Variants in MYD88 observed in about 807,000 individuals in gnomAD.
The protein encoded by MYD88 is MYD88 innate immune signal transduction adaptor.
Under a neutral mutation model 31.1 loss-of-function variants are expected in MYD88, and 15 were observed. The observed-to-expected ratio is 0.48, with a 90% CI of 0.32 to 0.74. The LOEUF (loss-of-function observed/expected upper bound fraction) is 0.74. Among genes scored for constraint, MYD88 ranks in the 30% least tolerant of loss-of-function variants. MYD88 has a pLI of 0.03. For missense variants in MYD88, 308 were observed against 387.4 expected, an observed-to-expected ratio of 0.79 and a Z score of 1.72; for synonymous variants, 157 against 158.8, an observed-to-expected ratio of 0.99 and a Z score of 0.08.
rs768025686 is a variant in MYD88, at chr3:38,138,731, G to A, written c.31G>A (p.Ala11Thr). Residue 11 changes from alanine (A) to threonine (T), a missense_variant, in exon 1 of 5, where the codon GCG becomes ACG. By Grantham distance (58) the Ala-to-Thr change is moderately conservative. Transcript: ENST00000650905. The surrounding 1 kb of genome is among the most constrained non-coding windows in gnomAD (Gnocchi z 6.4). MAAGGPGAGSAAPVSSTSSLP... is the reference protein window; with the variant it reads MAAGGPGAGSTAPVSSTSSLP... Reference sequence around the variant, plus strand: ...TGCAGGAGGTCCCGGCGCGGGGTCTGCGGCCCCGGTCTCCTCCACATCCTC... The same window carrying A: ...TGCAGGAGGTCCCGGCGCGGGGTCTACGGCCCCGGTCTCCTCCACATCCTC... 16 of 1,606,936 alleles carry A rather than the reference G, an allele frequency of 1.0e-5. No individual in the cohort carries two copies. In the Middle Eastern group the frequency reaches 5.0e-4, roughly 50 times the overall value.
chr3:38,138,722 G>GC lies in MYD88; in HGVS notation c.23dup (p.Ser10ValfsTer48), dbSNP rs1700986801. Reference sequence around the variant, plus strand: ...CGCCATGGCTGCAGGAGGTCCCGGCGCGGGGTCTGCGGCCCCGGTCTCCTC... The same window carrying GC: ...CGCCATGGCTGCAGGAGGTCCCGGCGCCGGGGTCTGCGGCCCCGGTCTCCTC... On this transcript the variant is annotated frameshift_variant, in exon 1 of 5. Transcript: ENST00000650905. LOFTEE classifies it high-confidence loss of function. This position sits in a 1 kb window ranked among gnomAD's most constrained non-coding sequence, Gnocchi z 6.4. The GC allele has an allele frequency of 6.2e-7, 1 of 1,605,360 alleles. No individual in the cohort carries two copies. The highest frequency in any genetic ancestry group is 8.5e-7 in the Non-Finnish European group (1 of 1,174,694).
Position 38,139,899 on chromosome 3 carries a change from CAGG to C in MYD88, c.371_373del (p.Glu124del). ...CCAAAAGTATATCTTGAAGCAGCAG[CAGG>C]AGGAGGCTGAGAAGCCTTTACAGGT... On this transcript the variant is annotated inframe_deletion, in exon 2 of 5. Coordinates refer to ENST00000650905, the MANE Select transcript of MYD88 (RefSeq NM_002468.5). The surrounding 1 kb of genome is among the most constrained non-coding windows in gnomAD (Gnocchi z 4.7). The C allele has an allele frequency of 6.2e-7, 1 of 1,613,500 alleles. No homozygotes were observed. The highest frequency in any genetic ancestry group is 8.5e-7 in the Non-Finnish European group (1 of 1,180,008).
chr3:38,142,450 T>C lies in MYD88; in HGVS notation c.*1164T>C. On this transcript the variant is annotated 3_prime_UTR_variant, in exon 5 of 5. Coordinates refer to ENST00000650905, the MANE Select transcript of MYD88 (RefSeq NM_002468.5). ...TCCCTGAACAAAAATTGGGCACTCATCTATTCCTTTTCTCTTGTGTCCCTA... is the reference window on the plus strand; with the variant it reads ...TCCCTGAACAAAAATTGGGCACTCACCTATTCCTTTTCTCTTGTGTCCCTA... The C allele has an allele frequency of 4.3e-6, 1 of 233,290 alleles. No individual in the cohort carries two copies. The highest frequency in any genetic ancestry group is 5.6e-5 in the Admixed American group (1 of 17,800). 14.5% of individuals were successfully genotyped at this position (233,290 alleles called of 1,614,324 possible).
chr3:38,141,214 C>G lies in MYD88; in HGVS notation c.819C>G (p.Val273=), dbSNP rs1319502476. ...CCAGCATCCTGAGGTTCATCACTGTCTGCGACTACACCAACCCCTGCACCA... is the reference window on the plus strand; with the variant it reads ...CCAGCATCCTGAGGTTCATCACTGTGTGCGACTACACCAACCCCTGCACCA... ...EFPSILRFIT[V]CDYTNPCTKS... The change falls in exon 5 of 5, where the codon GTC becomes GTG. Residue 273 remains valine (V), a synonymous_variant. Coordinates refer to ENST00000650905, the MANE Select transcript of MYD88 (RefSeq NM_002468.5). 3.7e-6 allele frequency: 6 copies of G among 1,614,122 alleles called. No homozygotes were observed. In the African/African-American group the frequency reaches 8.0e-5, roughly 22 times the overall value.
At position 38,141,152 on chromosome 3, in the gene MYD88, A is replaced by T. The variant is rs2125780307; in HGVS notation, c.757A>T (p.Ile253Phe). Reference sequence around the variant, plus strand: ...TGCAGGTGCCCATCAGAAGCGACTGATCCCCATCAAGTACAAGGCAATGAA... The same window carrying T: ...TGCAGGTGCCCATCAGAAGCGACTGTTCCCCATCAAGTACAAGGCAATGAA... ...LSPGAHQKRL[I>F]PIKYKAMKKE... Residue 253 changes from isoleucine to phenylalanine, a missense_variant, in exon 5 of 5, where the codon ATC becomes TTC. Transcript: ENST00000650905. The T allele has an allele frequency of 6.2e-7, 1 of 1,614,156 alleles. No homozygotes were observed. Among genetic ancestry groups the T allele is most frequent in the South Asian group, 1.1e-5 (1 of 91,080 alleles).
chr3:38,138,950 G>C lies in MYD88; in HGVS notation c.250G>C (p.Ala84Pro), dbSNP rs2125775949. ...LLDAWQGRPGASVGRLLELLT... is the reference protein window; with the variant it reads ...LLDAWQGRPGPSVGRLLELLT... ...GGACGCCTGGCAGGGACGCCCTGGCGCCTCTGTAGGCCGACTGCTCGAGCT... is the reference window on the plus strand; with the variant it reads ...GGACGCCTGGCAGGGACGCCCTGGCCCCTCTGTAGGCCGACTGCTCGAGCT... The change falls in exon 1 of 5, where the codon GCC becomes CCC. Residue 84 changes from alanine to proline, a missense_variant. By Grantham distance (27) the Ala-to-Pro change is conservative. Transcript: ENST00000650905. This position sits in a 1 kb window ranked among gnomAD's most constrained non-coding sequence, Gnocchi z 6.4. 1 of 1,610,236 alleles carries C rather than the reference G, an allele frequency of 6.2e-7. No homozygotes were observed. The highest frequency in any genetic ancestry group is 1.3e-5 in the African/African-American group (1 of 75,066).
At chr3:38,140,154 C>A (rs949571736) in intron 2 of MYD88, 156 bp downstream of exon 2, 19 of 1,054,712 alleles carry the variant, frequency 1.8e-5, no homozygotes, top group Non-Finnish European at 2.5e-5. Flanking sequence ...AGATAATAGT[C>A]CTACCTCTGG....
rs2125777750 is a variant in MYD88, at chr3:38,139,984, T to A, written c.449T>A (p.Leu150His). 6.2e-7 allele frequency: 1 copy of A among 1,613,606 alleles called. No individual in the cohort carries two copies. Among genetic ancestry groups the A allele is most frequent in the Non-Finnish European group, 8.5e-7 (1 of 1,179,866 alleles). Residue 150 changes from leucine (L) to histidine (H), a missense_variant, in exon 2 of 5, where the codon CTT becomes CAT. Transcript: ENST00000650905. The surrounding 1 kb of genome is among the most constrained non-coding windows in gnomAD (Gnocchi z 4.7). ...GCAGAGCTGGCGGGCATCACCACAC[T>A]TGATGACCCCCTGGGTAAGGGTCCA... ...RTAELAGITT[L>H]DDPLGHMPER...
At position 38,140,462 on chromosome 3, in the gene MYD88, C is replaced by T. The variant is rs201772694; in HGVS notation, c.538C>T (p.Arg180Trp). Residue 180 changes from arginine to tryptophan, a missense_variant, in exon 3 of 5, where the codon CGG (arginine) becomes TGG (tryptophan). Physicochemically the swap from Arg to Trp is moderately radical, Grantham distance 101. Coordinates refer to ENST00000650905, the MANE Select transcript of MYD88 (RefSeq NM_002468.5). ...CATCCAGTTTGTGCAGGAGATGATC[C>T]GGCAACTGGAACAGACAAACTATCG... ...SDIQFVQEMI[R>W]QLEQTNYRLK... is the part of the protein sequence containing the mutation. 2.2e-4 allele frequency: 355 copies of T among 1,614,200 alleles called. 2 individuals carry two copies. The highest frequency in any genetic ancestry group is 2.2e-4 in the South Asian group (20 of 91,084).
At position 38,141,218 on chromosome 3, in the gene MYD88, G is replaced by C. The variant is rs370623345; in HGVS notation, c.823G>C (p.Asp275His). 1 of 1,614,164 alleles carries C rather than the reference G, an allele frequency of 6.2e-7. No homozygotes were observed. The highest frequency in any genetic ancestry group is 2.2e-5 in the East Asian group (1 of 44,890). The part of the protein sequence containing the change: ...PSILRFITVC[D>H]YTNPCTKSWF... ...CATCCTGAGGTTCATCACTGTCTGCGACTACACCAACCCCTGCACCAAATC... is the reference window on the plus strand; with the variant it reads ...CATCCTGAGGTTCATCACTGTCTGCCACTACACCAACCCCTGCACCAAATC... Residue 275 changes from aspartate to histidine, a missense_variant, in exon 5 of 5, where the codon GAC (aspartate) becomes CAC (histidine). Asp to His is a moderately conservative substitution (Grantham distance 81). Coordinates refer to ENST00000650905, the MANE Select transcript of MYD88 (RefSeq NM_002468.5).
chr3:38,139,111 A>G lies in MYD88; in HGVS notation c.328+83A>G. 6.7e-7 allele frequency: 1 copy of G among 1,494,430 alleles called. No homozygotes were observed. The highest frequency in any genetic ancestry group is 8.9e-7 in the Non-Finnish European group (1 of 1,123,518). The allele number at this position is 1,494,430 out of a possible 1,614,324, so 92.6% of individuals were successfully genotyped here. ...GGCCTCAGCATCCTGTCTCCCATGG[A>G]GAGACCCCATTTCCTGCCTCGGGGG... On this transcript the variant is annotated intron_variant, in intron 1 of 4. Coordinates refer to ENST00000650905, the MANE Select transcript of MYD88 (RefSeq NM_002468.5). The surrounding 1 kb of genome is among the most constrained non-coding windows in gnomAD (Gnocchi z 4.7).
Position 38,141,406 on chromosome 3 carries a change from A to T in MYD88, c.*120A>T. 7.4e-7 allele frequency: 1 copy of T among 1,359,564 alleles called. No homozygotes were observed. Among genetic ancestry groups the T allele is most frequent in the Non-Finnish European group, 1.0e-6 (1 of 954,258 alleles). The allele number at this position is 1,359,564 out of a possible 1,614,324, so 84.2% of individuals were successfully genotyped here. A position where few individuals can be genotyped will look rare whatever the true frequency, so the allele number is the denominator to read the frequency against. ...TCTACTTACCTCTCAATTCCTGGAGATGCCAACTTCACAGACACGTCTGCA... is the reference window on the plus strand; with the variant it reads ...TCTACTTACCTCTCAATTCCTGGAGTTGCCAACTTCACAGACACGTCTGCA... On this transcript the variant is annotated 3_prime_UTR_variant, in exon 5 of 5. Coordinates refer to ENST00000650905, the MANE Select transcript of MYD88 (RefSeq NM_002468.5).
chr3:38,138,948 G>A lies in MYD88; in HGVS notation c.248G>A (p.Gly83Asp), dbSNP rs1347643055. 4.3e-6 allele frequency: 7 copies of A among 1,610,840 alleles called. No individual in the cohort carries two copies. The South Asian group carries it at 7.7e-5, about 18-fold the overall frequency. The change falls in exon 1 of 5, where the codon GGC becomes GAC. Residue 83 changes from glycine (G) to aspartate (D), a missense_variant. Physicochemically the swap from Gly to Asp is moderately conservative, Grantham distance 94 (BLOSUM62 -1). Coordinates refer to ENST00000650905, the MANE Select transcript of MYD88 (RefSeq NM_002468.5). This position sits in a 1 kb window ranked among gnomAD's most constrained non-coding sequence, Gnocchi z 6.4. ...RLLDAWQGRP[G>D]ASVGRLLELL... ...CTGGACGCCTGGCAGGGACGCCCTGGCGCCTCTGTAGGCCGACTGCTCGAG... is the reference window on the plus strand; with the variant it reads ...CTGGACGCCTGGCAGGGACGCCCTGACGCCTCTGTAGGCCGACTGCTCGAG...
At chr3:38,140,040 A>T (rs2125777957) in intron 2 of MYD88, 42 bp downstream of exon 2, 2 of 1,609,042 alleles carry the variant, frequency 1.2e-6, no homozygotes, top group South Asian at 1.1e-5. Context: ...GTGGAATAGG[A>T]CATTGTGGTG....
Position 38,138,843 on chromosome 3 carries a change from C to G in MYD88, c.143C>G (p.Thr48Ser). ...NVRTQVAADW[T>S]ALAEEMDFEY... Reference sequence around the variant, plus strand: ...CGGACACAGGTGGCGGCCGACTGGACCGCGCTGGCGGAGGAGATGGACTTT... The same window carrying G: ...CGGACACAGGTGGCGGCCGACTGGAGCGCGCTGGCGGAGGAGATGGACTTT... Residue 48 changes from threonine (T) to serine (S), a missense_variant, in exon 1 of 5, where the codon ACC becomes AGC. Transcript: ENST00000650905. This position sits in a 1 kb window ranked among gnomAD's most constrained non-coding sequence, Gnocchi z 6.4. 1 of 1,613,850 alleles carries G rather than the reference C, an allele frequency of 6.2e-7. No homozygotes were observed. Among genetic ancestry groups the G allele is most frequent in the Non-Finnish European group, 8.5e-7 (1 of 1,180,020 alleles).
chr3:38,141,536 A>C lies in MYD88; in HGVS notation c.*250A>C. On this transcript the variant is annotated 3_prime_UTR_variant, in exon 5 of 5. Transcript: ENST00000650905. ...GGACACTATAGAACAGGACCAGCTG[A>C]GACTAAGAAGGACCAGCAGAGCCAG... 1.7e-6 allele frequency: 1 copy of C among 578,086 alleles called. No homozygotes were observed. Among genetic ancestry groups the C allele is most frequent in the Non-Finnish European group, 3.1e-6 (1 of 320,454 alleles). 35.8% of individuals were successfully genotyped at this position (578,086 alleles called of 1,614,324 possible).
At position 38,139,517 on chromosome 3, in the gene MYD88, T is replaced by C; in HGVS notation, c.329-347T>C. ...ACTGCACCATAACCAGTGGGTCTCC[T>C]GAGCCTTTCTGGCATGCCCAGCCCC... is the stretch of plus-strand genomic sequence containing the variant. On this transcript the variant is annotated intron_variant, in intron 1 of 4. Coordinates refer to ENST00000650905, the MANE Select transcript of MYD88 (RefSeq NM_002468.5). This position sits in a 1 kb window ranked among gnomAD's most constrained non-coding sequence, Gnocchi z 4.7. 4.6e-6 allele frequency: 2 copies of C among 431,436 alleles called. No homozygotes were observed. The highest frequency in any genetic ancestry group is 3.5e-5 in the Admixed American group (1 of 28,484). The allele number at this position is 431,436 out of a possible 1,614,324, so 26.7% of individuals were successfully genotyped here. A position where few individuals can be genotyped will look rare whatever the true frequency, so the allele number is the denominator to read the frequency against.
rs1158550058 is a variant in MYD88, at chr3:38,138,697, C to A, written c.-4C>A. The stretch of plus-strand genomic sequence containing the variant: ...ACCGCGCTGAGGCTCCAGGACCGCC[C>A]GCCATGGCTGCAGGAGGTCCCGGCG... On this transcript the variant is annotated 5_prime_UTR_variant, in exon 1 of 5. Coordinates refer to ENST00000650905, the MANE Select transcript of MYD88 (RefSeq NM_002468.5). This position sits in a 1 kb window ranked among gnomAD's most constrained non-coding sequence, Gnocchi z 6.4. 1 of 1,599,000 alleles carries A rather than the reference C, an allele frequency of 6.3e-7. No homozygotes were observed. The highest frequency in any genetic ancestry group is 8.5e-7 in the Non-Finnish European group (1 of 1,171,048).
rs772149966 is a variant in MYD88 at position 38,141,321 on chromosome 3, G to C, written c.*35G>C. On this transcript the variant is annotated 3_prime_UTR_variant, in exon 5 of 5. Coordinates refer to ENST00000650905, the MANE Select transcript of MYD88 (RefSeq NM_002468.5). Reference sequence around the variant, plus strand: ...TGAGGCCCTGGGTGTGTGTGTATCTGTCTGCCTGTCCATGTACTTCTGCCC... The same window carrying C: ...TGAGGCCCTGGGTGTGTGTGTATCTCTCTGCCTGTCCATGTACTTCTGCCC... 1.9e-6 allele frequency: 3 copies of C among 1,613,698 alleles called. No homozygotes were observed. The highest frequency in any genetic ancestry group is 2.2e-5 in the East Asian group (1 of 44,880).
Sources: allele counts gnomAD v4.1 joint callset, GRCh38; gene constraint gnomAD v4.1.1; non-coding constraint Gnocchi (gnomAD v3.1); transcripts MANE v1.5; gene names NCBI Gene and HGNC (gene_info 2026-07-23, HGNC 2026-07-21).